The following PTPN11 variants were observed in gnomAD, a reference collection of about 807,000 sequenced individuals.
The protein encoded by PTPN11 is protein tyrosine phosphatase non-receptor type 11.
In PTPN11, 6 loss-of-function variants were observed where a neutral mutation model predicts 78.8. The ratio of observed to expected loss-of-function variants is 0.08; its 90% CI spans 0.04 to 0.15. The LOEUF is 0.15. Ranked by LOEUF, PTPN11 falls within the 10% of genes least tolerant of loss-of-function variation. The pLI, the probability that PTPN11 is intolerant of heterozygous loss-of-function variation, is 1.00. For missense variants in PTPN11, 386 were observed against 744.8 expected (o/e 0.52, Z 5.61); for synonymous variants, 221 against 263.5 (o/e 0.84, Z 1.56).
intron 6 of PTPN11, among the ~76,000 whole-genome samples, chr12:112,458,046 T>C (rs541863154): frequency 3.0e-4 from 45 of 152,374 alleles, no homozygotes; most frequent in African/African-American, 9.9e-4. Context: ...TAAATATTTG[T>C]GGATTGAATG....
At chr12:112,440,265 A>G (rs1161125630) in intron 1 of PTPN11, among the ~76,000 whole-genome samples, 1 of 152,054 alleles carries the variant, frequency 6.6e-6, no homozygotes, top group African/African-American at 2.4e-5. Context: ...GTGAAATTCT[A>G]TTCTGTCTCA....
At chr12:112,501,282 C>T (rs2038871750) in intron 13 of PTPN11, among the ~76,000 whole-genome samples, 1 of 152,142 alleles carries the variant, frequency 6.6e-6, no homozygotes, top group Non-Finnish European at 1.5e-5. Flanking sequence ...TGCTGGTTTT[C>T]TTTGCCTTTT....
chr12:112,489,390 C>CA (rs1285146096), intron 13 of PTPN11, among the ~76,000 whole-genome samples: 2 of 152,160 alleles, frequency 1.3e-5, no homozygotes, highest in Non-Finnish European at 2.9e-5. Flanking sequence ...GGAAGGGCAC[C>CA]ATCCTATCAG....
chr12:112,477,489 G>T (rs1250089332), intron 7 of PTPN11, among the ~76,000 whole-genome samples, 162 bp from the exon 8 acceptor site: 1 of 152,032 alleles, frequency 6.6e-6, no homozygotes, highest in Non-Finnish European at 1.5e-5. Flanking sequence ...ATCAGGCAGT[G>T]TTCACGTTAC....
chr12:112,438,818 T>A (rs958360710), intron 1 of PTPN11, among the ~76,000 whole-genome samples: 2 of 152,136 alleles, frequency 1.3e-5, no homozygotes, highest in African/African-American at 2.4e-5. Flanking sequence ...AGAGATGGGA[T>A]CTTGCTATGT....
At chr12:112,431,289 G>A (rs576803492) in intron 1 of PTPN11, among the ~76,000 whole-genome samples, 3 of 152,276 alleles carry the variant, frequency 2.0e-5, no homozygotes, top group Admixed American at 6.5e-5. Context: ...GTTCCTACTC[G>A]GGATGCTGAG....
chr12:112,498,244 C>T (rs1260618497), intron 13 of PTPN11, among the ~76,000 whole-genome samples: 1 of 151,974 alleles, frequency 6.6e-6, no homozygotes, highest in Middle Eastern at 3.2e-3. Flanking sequence ...GCTGCAGGGT[C>T]AGTGAGGAGC....
intron 1 of PTPN11, among the ~76,000 whole-genome samples, chr12:112,441,592 G>T (rs1814285694): frequency 6.6e-6 from 1 of 151,924 alleles, no homozygotes; most frequent in African/African-American, 2.4e-5. Context: ...ACTTGAATTG[G>T]GTCAATATTT....
intron 1 of PTPN11, among the ~76,000 whole-genome samples, chr12:112,445,874 A>C (rs944851288): frequency 2.0e-5 from 3 of 151,978 alleles, no homozygotes; most frequent in Non-Finnish European, 4.4e-5. Context: ...TCCCGACCCC[A>C]GCTGATCTGC....
At chr12:112,498,258 C>T (rs922863058) in intron 13 of PTPN11, among the ~76,000 whole-genome samples, 2 of 152,000 alleles carry the variant, frequency 1.3e-5, no homozygotes, top group Non-Finnish European at 2.9e-5. Flanking sequence ...GAGGAGCTGC[C>T]GCAGTGCTGC....
intron 13 of PTPN11, among the ~76,000 whole-genome samples, chr12:112,497,972 G>A (rs1457192533): frequency 6.6e-6 from 1 of 152,116 alleles, no homozygotes; most frequent in East Asian, 1.9e-4. Context: ...GGGCAACATG[G>A]TGAAACCCTG....
At chr12:112,457,516 C>T (rs1266609855) in intron 6 of PTPN11, 1 of 159,676 alleles carries the variant, frequency 6.3e-6, no homozygotes, top group African/African-American at 2.4e-5. Flanking sequence ...GTTTTATAAT[C>T]CTTTGGGTAT....
intron 13 of PTPN11, among the ~76,000 whole-genome samples, chr12:112,497,935 T>C (rs1160654212): frequency 6.6e-6 from 1 of 152,122 alleles, no homozygotes; most frequent in African/African-American, 2.4e-5. Flanking sequence ...GGTGGATTGC[T>C]TGAGGCCAAG....
intron 9 of PTPN11, among the ~76,000 whole-genome samples, chr12:112,480,363 G>A (rs1314137891): frequency 2.1e-5 from 3 of 144,582 alleles, no homozygotes; most frequent in Non-Finnish European, 3.0e-5. Context: ...AGACCACATC[G>A]TTCTTTTTTT....
At chr12:112,486,365 T>C in intron 10 of PTPN11, 110 bp from the exon 11 acceptor site, 1 of 1,152,228 alleles carries the variant, frequency 8.7e-7, no homozygotes. Context: ...CAGTGGAACC[T>C]GGGGAGATTC....
At chr12:112,434,717 C>G (rs116568846) in intron 1 of PTPN11, among the ~76,000 whole-genome samples, 2 of 152,008 alleles carry the variant, frequency 1.3e-5, no homozygotes, top group African/African-American at 4.8e-5. Flanking sequence ...CACACAGGCT[C>G]AGAGGGAGTA....
chr12:112,489,068 C>G lies in PTPN11; in HGVS notation c.1492C>G (p.Arg498Gly), dbSNP rs397507541. 6.2e-7 allele frequency: 1 copy of G among 1,614,074 alleles called. No individual in the cohort carries two copies. Among genetic ancestry groups the G allele is most frequent in the Non-Finnish European group, 8.5e-7 (1 of 1,179,998 alleles). Reference sequence around the variant, plus strand: ...CGTTCCCAAAACCATCCAGATGGTGCGGTCTCAGAGGTCAGGGATGGTCCA... The same window carrying G: ...CGTTCCCAAAACCATCCAGATGGTGGGGTCTCAGAGGTCAGGGATGGTCCA... ...IDVPKTIQMV[R>G]SQRSGMVQTE... Residue 498 changes from arginine (R) to glycine (G), a missense_variant, in exon 13 of 16, where the codon CGG (arginine) becomes GGG (glycine). Around this residue, in one of 3 missense-constraint regions of PTPN11, gnomAD observed 63 missense variants for 182.2 expected, o/e 0.35. Coordinates refer to ENST00000351677, the MANE Select transcript of PTPN11 (RefSeq NM_002834.5).
intron 6 of PTPN11, among the ~76,000 whole-genome samples, chr12:112,472,232 C>G (rs2135893896): frequency 6.6e-6 from 1 of 152,198 alleles, no homozygotes; most frequent in Admixed American, 6.5e-5. Context: ...AAGTGATCCT[C>G]CAGCCTCAGC....
In PTPN11 at chr12:112,509,197, C is replaced by A. The variant is rs1337617644; in HGVS notation, c.*3405C>A. Reference sequence around the variant, plus strand: ...TATTTGCCCTTAATTTTGTTGAAATCTTTTTTCCTTCTTCCTCTTGAAAAG... The same window carrying A: ...TATTTGCCCTTAATTTTGTTGAAATATTTTTTCCTTCTTCCTCTTGAAAAG... On this transcript the variant is annotated 3_prime_UTR_variant, in exon 16 of 16. Transcript: ENST00000351677. 6.6e-6 allele frequency: 1 copy of A among 152,134 alleles called. No homozygotes were observed. The highest frequency in any genetic ancestry group is 2.1e-4 in the South Asian group (1 of 4,820). 9.4% of individuals were successfully genotyped at this position (152,134 alleles called of 1,614,324 possible). A position where few individuals can be genotyped will look rare whatever the true frequency, so the allele number is the denominator to read the frequency against.
Sources: allele counts gnomAD v4.1 joint callset (sites outside exome capture counted in the v4.1 genomes callset), GRCh38; gene constraint gnomAD v4.1.1; regional missense constraint gnomAD v4.1.1; transcripts MANE v1.5; gene names NCBI Gene and HGNC (gene_info 2026-07-23, HGNC 2026-07-21).